The following ADRA1A variants were observed in gnomAD, a reference collection of about 807,000 sequenced individuals.
The protein encoded by ADRA1A is adrenoceptor alpha 1A, also known as alpha-1A adrenergic receptor.
In ADRA1A, 31 loss-of-function variants were observed where a neutral mutation model predicts 29.6. The observed-to-expected ratio is 1.05, with a 90% confidence interval of 0.79 to 1.41. The LOEUF (loss-of-function observed/expected upper bound fraction) is 1.41, where lower values mean the gene tolerates loss of function less well. Ranked by LOEUF, ADRA1A falls within the 40% of genes most tolerant of loss-of-function variation. The pLI is 0.00. For missense variants in ADRA1A, 619 were observed against 601.1 expected (o/e 1.03, Z -0.31); for synonymous variants, 311 against 254.3 (o/e 1.22, Z -2.12).
intron 2 of ADRA1A, among the ~76,000 whole-genome samples, chr8:26,816,962 A>G (rs1192437111): frequency 2.0e-5 from 3 of 152,252 alleles, no homozygotes; most frequent in African/African-American, 4.8e-5. Context: ...ATCTGGAGTT[A>G]GTCAAGGATT....
rs557170679 is a variant in ADRA1A at position 26,815,857 on chromosome 8, T to C, written c.884-45191A>G. 1.1e-4 allele frequency among the ~76,000 whole-genome samples: 16 copies of C among 152,236 alleles called. No homozygotes were observed. The highest frequency in any genetic ancestry group is 3.1e-4 in the African/African-American group (13 of 41,534). ...AAGGGTAAGGCAGTGAGTGATTAAG[T>C]GCTAATGCTTCTCTGGAGAGGTTCC... On this transcript the variant is annotated intron_variant, in intron 2 of 2. Coordinates refer to ENST00000380573, the MANE Select transcript of ADRA1A (RefSeq NM_000680.4). The surrounding 1 kb of genome is among the most constrained non-coding windows in gnomAD (Gnocchi z 4.2).
At chr8:26,774,308 A>G (rs1032665688) in intron 2 of ADRA1A, among the ~76,000 whole-genome samples, 1 of 152,186 alleles carries the variant, frequency 6.6e-6, no homozygotes, top group African/African-American at 2.4e-5. Flanking sequence ...GCAGCTGCTG[A>G]CTGGCTGGGG....
At chr8:26,847,789 G>T (rs1397811750) in intron 2 of ADRA1A, among the ~76,000 whole-genome samples, 8 of 152,176 alleles carry the variant, frequency 5.3e-5, no homozygotes, top group African/African-American at 1.9e-4. Context: ...CATTTAATGA[G>T]TCTGGGATCA....
chr8:26,830,914 C>A (rs1240919056), intron 2 of ADRA1A, among the ~76,000 whole-genome samples: 1 of 152,176 alleles, frequency 6.6e-6, no homozygotes, highest in African/African-American at 2.4e-5. Flanking sequence ...GTCTTTCTCA[C>A]CTTTTTTCTT....
At chr8:26,822,121 C>G (rs989487971) in intron 2 of ADRA1A, among the ~76,000 whole-genome samples, 2 of 152,182 alleles carry the variant, frequency 1.3e-5, no homozygotes, top group African/African-American at 4.8e-5. Flanking sequence ...AGAACAACTA[C>G]TGGGTTGAAT....
At position 26,860,864 on chromosome 8, in the gene ADRA1A, A is replaced by T. The variant is rs556788729; in HGVS notation, c.883+3223T>A. On this transcript the variant is annotated intron_variant, in intron 2 of 2. Transcript: ENST00000380573. The surrounding 1 kb of genome is among the most constrained non-coding windows in gnomAD (Gnocchi z 4.7). ...CATCAGAATATAAATATCATGTCAT[A>T]TCCCCACCTCCCACCATTGAAAGCT... Among the ~76,000 whole-genome samples, 2 of 152,202 alleles carry T rather than the reference A, an allele frequency of 1.3e-5. No homozygotes were observed. Among genetic ancestry groups the T allele is most frequent in the East Asian group, 3.9e-4 (2 of 5,166 alleles).
intron 2 of ADRA1A, among the ~76,000 whole-genome samples, chr8:26,801,287 CAA>C (rs1808558312): frequency 6.6e-6 from 1 of 151,812 alleles, no homozygotes; most frequent in Non-Finnish European, 1.5e-5. Flanking sequence ...ATCAATCAGA[CAA>C]GAGAAAGAAA....
At chr8:26,843,270 T>A (rs571088692) in intron 2 of ADRA1A, among the ~76,000 whole-genome samples, 1 of 152,338 alleles carries the variant, frequency 6.6e-6, no homozygotes, top group East Asian at 1.9e-4. Flanking sequence ...ATGTCTTGAT[T>A]CATCAGCAAG....
At chr8:26,845,840 C>G (rs1727612770) in intron 2 of ADRA1A, among the ~76,000 whole-genome samples, 1 of 152,138 alleles carries the variant, frequency 6.6e-6, no homozygotes, top group Non-Finnish European at 1.5e-5. Context: ...CACAAAAGGT[C>G]ACATATATGA....
intron 2 of ADRA1A, among the ~76,000 whole-genome samples, chr8:26,811,863 G>A (rs1448616130): frequency 6.6e-6 from 1 of 152,148 alleles, no homozygotes; most frequent in Non-Finnish European, 1.5e-5. Context: ...TGTTTACTCA[G>A]CATTACCTCT....
chr8:26,859,998 CCTCAA>C (rs1813335664), intron 2 of ADRA1A, among the ~76,000 whole-genome samples: 1 of 152,076 alleles, frequency 6.6e-6, no homozygotes, highest in Non-Finnish European at 1.5e-5. Context: ...GAACTCCTGA[CCTCAA>C]GTGATCCGCC....
chr8:26,802,899 A>G (rs574233674), intron 2 of ADRA1A, among the ~76,000 whole-genome samples: 1 of 152,316 alleles, frequency 6.6e-6, no homozygotes, highest in East Asian at 1.9e-4. Flanking sequence ...GCCATAAGAA[A>G]GAATGAGGTT....
At chr8:26,771,788 C>G (rs1355464239) in intron 2 of ADRA1A, 1 of 153,634 alleles carries the variant, frequency 6.5e-6, no homozygotes, top group South Asian at 2.1e-4. Context: ...CTTGTCCACA[C>G]CACGGACTCC....
chr8:26,764,445 A>G (rs958751678), downstream of ADRA1A, among the ~76,000 whole-genome samples: 1 of 152,226 alleles, frequency 6.6e-6, no homozygotes, highest in South Asian at 2.1e-4. Flanking sequence ...CATGGCAGAG[A>G]TAAGGCAGGA....
intron 2 of ADRA1A, among the ~76,000 whole-genome samples, chr8:26,839,632 T>C (rs1811671944): frequency 6.6e-6 from 1 of 152,190 alleles, no homozygotes; most frequent in Admixed American, 6.5e-5. Flanking sequence ...TTGAATAAAG[T>C]AAATAAAAGA....
In ADRA1A at chr8:26,805,475, C is replaced by T. The variant is rs113902270; in HGVS notation, c.884-34809G>A. Reference sequence around the variant, plus strand: ...GTAATACAAGACTGAATACTTACTGCGTGTCCACTCTATGCCCAGTACTTT... The same window carrying T: ...GTAATACAAGACTGAATACTTACTGTGTGTCCACTCTATGCCCAGTACTTT... On this transcript the variant is annotated intron_variant, in intron 2 of 2. Coordinates refer to ENST00000380573, the MANE Select transcript of ADRA1A (RefSeq NM_000680.4). The surrounding 1 kb of genome is among the most constrained non-coding windows in gnomAD (Gnocchi z 4.8). Among the ~76,000 whole-genome samples the T allele has an allele frequency of 1.3e-5, 2 of 152,190 alleles. No individual in the cohort carries two copies. Among genetic ancestry groups the T allele is most frequent in the Non-Finnish European group, 2.9e-5 (2 of 68,040 alleles).
At chr8:26,757,915 A>G (rs549858964) in intron 2 of ADRA1A, among the ~76,000 whole-genome samples, 17 of 152,264 alleles carry the variant, frequency 1.1e-4, no homozygotes, top group African/African-American at 3.9e-4. Flanking sequence ...TTTATGTAGC[A>G]TCTTTCATAG....
At chr8:26,761,628 C>A (rs1031450064), downstream of ADRA1A, among the ~76,000 whole-genome samples, 3 of 152,218 alleles carry the variant, frequency 2.0e-5, no homozygotes, top group Non-Finnish European at 4.4e-5. Flanking sequence ...CAGCCAACGC[C>A]TTAATCTTGG....
At position 26,821,485 on chromosome 8, in the gene ADRA1A, A is replaced by G. The variant is rs1167322958; in HGVS notation, c.883+42602T>C. ...ACTTTTCACCACGGAGATGGTGTTA[A>G]GCCATTCATGAGGAAGCCAACTCCC... On this transcript the variant is annotated intron_variant, in intron 2 of 2. Coordinates refer to ENST00000380573, the MANE Select transcript of ADRA1A (RefSeq NM_000680.4). This position sits in a 1 kb window ranked among gnomAD's most constrained non-coding sequence, Gnocchi z 5.6. 6.6e-6 allele frequency among the ~76,000 whole-genome samples: 1 copy of G among 152,136 alleles called. No homozygotes were observed. The highest frequency in any genetic ancestry group is 2.4e-5 in the African/African-American group (1 of 41,414).
Sources: gnomAD v4.1 joint callset for allele counts (sites outside exome capture counted in the v4.1 genomes callset) on GRCh38, gnomAD v4.1.1 for gene constraint, Gnocchi (gnomAD v3.1) non-coding constraint, MANE v1.5 for transcripts, NCBI Gene and HGNC (gene_info 2026-07-23, HGNC 2026-07-21) for gene names.